CLPB: variants seen among roughly 807,000 people sequenced by gnomAD.
CLPB encodes the protein ClpB family mitochondrial disaggregase, also known as mitochondrial disaggregase.
A neutral mutation model predicts 78.4 loss-of-function variants in CLPB; 40 were observed. That is an observed-to-expected ratio of 0.51 (90% CI 0.40 to 0.66). The LOEUF is 0.66. Ranked by LOEUF, CLPB falls within the 30% of genes least tolerant of loss-of-function variation. The probability of loss-of-function intolerance (pLI) is 0.00; values close to 1 mark genes in which losing one functional copy is unlikely to be tolerated. For synonymous variants in CLPB, 333 were observed against 348.0 expected (o/e 0.96, Z 0.48); for missense variants, 780 against 886.9 (o/e 0.88, Z 1.53).
At chr11:72,296,987 G>C (rs945638544) in intron 11 of CLPB, among the ~76,000 whole-genome samples, 2 of 152,214 alleles carry the variant, frequency 1.3e-5, no homozygotes, top group Non-Finnish European at 2.9e-5. Flanking sequence ...GGCTACAGAG[G>C]TCAGACCAAT....
chr11:72,359,870 T>C (rs1178429438), intron 4 of CLPB, among the ~76,000 whole-genome samples: 1 of 152,206 alleles, frequency 6.6e-6, no homozygotes, highest in Non-Finnish European at 1.5e-5. Flanking sequence ...AGTGCTAATA[T>C]TTGTGATTTT....
chr11:72,303,796 G>A (rs1565425641), intron 9 of CLPB: 1 of 152,198 alleles, frequency 6.6e-6, no homozygotes, highest in Non-Finnish European at 1.5e-5. Flanking sequence ...AGCTATAAAG[G>A]GCTTAGAACA....
intron 7 of CLPB, among the ~76,000 whole-genome samples, chr11:72,309,571 T>C (rs1288818271): frequency 2.6e-5 from 4 of 152,198 alleles, no homozygotes; most frequent in Non-Finnish European, 5.9e-5. Context: ...AACTCCATTA[T>C]ACTGAACACG....
chr11:72,318,488 CA>C (rs1484250797), intron 6 of CLPB, among the ~76,000 whole-genome samples: 1 of 152,074 alleles, frequency 6.6e-6, no homozygotes, highest in Non-Finnish European at 1.5e-5. Flanking sequence ...AAGGAATGAC[CA>C]GGTCTTCAGG....
At chr11:72,319,553 T>C (rs1950007490) in intron 6 of CLPB, among the ~76,000 whole-genome samples, 1 of 152,198 alleles carries the variant, frequency 6.6e-6, no homozygotes. Flanking sequence ...CAGACCTGAG[T>C]TCACCCCTCA....
At chr11:72,408,774 G>C (rs1243646167) in intron 2 of CLPB, among the ~76,000 whole-genome samples, 1 of 151,966 alleles carries the variant, frequency 6.6e-6, no homozygotes, top group Non-Finnish European at 1.5e-5. Flanking sequence ...TCAGTGCAGA[G>C]CAGCCCAGAA....
At chr11:72,428,786 T>A (rs1246660146) in intron 2 of CLPB, 1 of 152,258 alleles carries the variant, frequency 6.6e-6, no homozygotes, top group African/African-American at 2.4e-5. Context: ...AGAAAAATTG[T>A]CTGAATCACA....
intron 2 of CLPB, among the ~76,000 whole-genome samples, chr11:72,406,794 C>T (rs1011932065): frequency 2.0e-5 from 3 of 152,154 alleles, no homozygotes; most frequent in Non-Finnish European, 4.4e-5. Flanking sequence ...GGGGAGGAGA[C>T]AGAGAGAGAG....
At chr11:72,401,619 T>C (rs902876694) in intron 3 of CLPB, among the ~76,000 whole-genome samples, 5 of 152,214 alleles carry the variant, frequency 3.3e-5, no homozygotes, top group African/African-American at 1.2e-4. Flanking sequence ...GTACCACCTC[T>C]AGATTATAAA....
intron 11 of CLPB, among the ~76,000 whole-genome samples, chr11:72,298,426 T>A (rs1245602153): frequency 1.3e-5 from 2 of 152,194 alleles, no homozygotes; most frequent in African/African-American, 4.8e-5. Context: ...CAGGGCTGCA[T>A]CTGTTTTGTC....
chr11:72,322,778 A>C (rs1950066630), intron 6 of CLPB, among the ~76,000 whole-genome samples: 1 of 152,140 alleles, frequency 6.6e-6, no homozygotes, highest in Non-Finnish European at 1.5e-5. Context: ...TTGTAATTAA[A>C]AAGTATCTTG....
rs913055049 is a variant in CLPB at position 72,329,764 on chromosome 11, G to A, written c.816C>T (p.Pro272=). Residue 272 remains proline, a synonymous_variant, in exon 6 of 16, where the codon CCC becomes CCT. Transcript: ENST00000538039. ...PLQRNEMGHT[P]LDYAREGEVM... ...CTTCCCCTTCTCGGGCATAATCCAA[G>A]GGTGTGTGTCCCATTTCATTCCTCT... 1 of 1,613,994 alleles carries A rather than the reference G, an allele frequency of 6.2e-7. No individual in the cohort carries two copies. Among genetic ancestry groups the A allele is most frequent in the Non-Finnish European group, 8.5e-7 (1 of 1,179,952 alleles).
chr11:72,428,038 G>A lies in CLPB; in HGVS notation c.455+2274C>T, dbSNP rs115203656. 6.7e-3 allele frequency among the ~76,000 whole-genome samples: 1,015 copies of A among 152,198 alleles called. 11 individuals carry two copies. The highest frequency in any genetic ancestry group is 0.023 in the African/African-American group (972 of 41,498). The stretch of plus-strand genomic sequence containing the variant: ...TGGTCAGGCTCCCTTTACCCCCACT[G>A]CCCCCAGACCTGGCTCTGTTCGCAG... On this transcript the variant is annotated intron_variant, in intron 2 of 15. Transcript: ENST00000538039.
intron 3 of CLPB, among the ~76,000 whole-genome samples, chr11:72,391,451 C>T (rs1263735990): frequency 6.6e-6 from 1 of 152,238 alleles, no homozygotes; most frequent in Non-Finnish European, 1.5e-5. Context: ...TCCCACTAGA[C>T]TATGGGGCAA....
chr11:72,413,607 A>C (rs1168273649), intron 2 of CLPB, among the ~76,000 whole-genome samples: 1 of 152,154 alleles, frequency 6.6e-6, no homozygotes, highest in Admixed American at 6.5e-5. Flanking sequence ...AAATTTCTTC[A>C]ATTATCCCAA....
At chr11:72,422,128 G>A (rs754345455) in intron 2 of CLPB, among the ~76,000 whole-genome samples, 2 of 152,188 alleles carry the variant, frequency 1.3e-5, no homozygotes, top group Non-Finnish European at 1.5e-5. Context: ...TTGGCCGGGC[G>A]TGGTGGCGGG....
chr11:72,337,093 A>T (rs1349181764), intron 5 of CLPB: 4 of 398,532 alleles, frequency 1.0e-5, no homozygotes, highest in Admixed American at 4.4e-5. Flanking sequence ...GGGCTACTCA[A>T]GTCAGAGCCA....
chr11:72,294,755 T>G, intron 12 of CLPB, 62 bp from the exon 13 acceptor site: 2 of 1,388,402 alleles, frequency 1.4e-6, no homozygotes, highest in South Asian at 1.2e-5. Flanking sequence ...GGGCTGTGCC[T>G]GCCCCTTGGC....
chr11:72,326,838 C>G (rs200484899), intron 6 of CLPB, among the ~76,000 whole-genome samples: 2 of 127,296 alleles, frequency 1.6e-5, no homozygotes, highest in African/African-American at 3.8e-5. Flanking sequence ...GAAGAGGAAG[C>G]TTTTTGCAGT....
Sources: allele counts gnomAD v4.1 joint callset (sites outside exome capture counted in the v4.1 genomes callset), GRCh38; gene constraint gnomAD v4.1.1; transcripts MANE v1.5; gene names NCBI Gene and HGNC (gene_info 2026-07-23, HGNC 2026-07-21).